Variants in GTF2IRD1 observed in about 807,000 individuals in gnomAD.
GTF2IRD1 encodes GTF2I repeat domain containing 1, also known as general transcription factor II-I repeat domain-containing protein 1.
GTF2IRD1 carries 26 observed loss-of-function variants against 113.2 expected under a neutral mutation model. The observed-to-expected ratio is 0.23, with a 90% CI of 0.17 to 0.32. The LOEUF (loss-of-function observed/expected upper bound fraction) is 0.32, where lower values mean the gene tolerates loss of function less well. Ranked by LOEUF, GTF2IRD1 falls within the 10% of genes least tolerant of loss-of-function variation. GTF2IRD1 has a pLI of 1.00. For synonymous variants in GTF2IRD1, 484 were observed against 529.1 expected, an observed-to-expected ratio of 0.91 and a Z score of 1.17; for missense variants, 864 against 1,280.8, an observed-to-expected ratio of 0.67 and a Z score of 4.97.
chr7:74,517,760 C>T (rs1457507598), intron 4 of GTF2IRD1, among the ~76,000 whole-genome samples: 1 of 152,184 alleles, frequency 6.6e-6, no homozygotes, highest in Admixed American at 6.6e-5. Flanking sequence ...TGCAAGTCCC[C>T]ACTTCTCCGT....
intron 1 of GTF2IRD1, among the ~76,000 whole-genome samples, chr7:74,463,503 G>A (rs1354087846): frequency 6.6e-6 from 1 of 151,862 alleles, no homozygotes; most frequent in African/African-American, 2.4e-5. Flanking sequence ...CCAAGTGCTG[G>A]GATTAGAGGG....
At chr7:74,556,456 G>A (rs1554356877) in intron 19 of GTF2IRD1, among the ~76,000 whole-genome samples, 1 of 151,356 alleles carries the variant, frequency 6.6e-6, no homozygotes, top group Non-Finnish European at 1.5e-5. Context: ...AAGTAGCTGG[G>A]ATTATAGGCA....
Position 74,515,523 on chromosome 7 carries a change from G to T in GTF2IRD1, c.348G>T (p.Arg116=). 2 of 1,613,936 alleles carry T rather than the reference G, an allele frequency of 1.2e-6. No homozygotes were observed. The highest frequency in any genetic ancestry group is 1.7e-6 in the Non-Finnish European group (2 of 1,179,884). ...AGGGTGGAGGCCGTAGCCTCCCTCG[G>T]TCCTCCCTGGAACATGGCTCAGATG... is the stretch of plus-strand genomic sequence containing the variant. ...RGEGGGRSLP[R]SSLEHGSDVY... The change falls in exon 4 of 27, where the codon CGG becomes CGT. Residue 116 remains arginine (R), a synonymous_variant. Coordinates refer to ENST00000424337, the MANE Select transcript of GTF2IRD1 (RefSeq NM_005685.4).
chr7:74,555,521 G>C lies in GTF2IRD1; in HGVS notation c.2023+27G>C. 1 of 1,407,738 alleles carries C rather than the reference G, an allele frequency of 7.1e-7. No individual in the cohort carries two copies. Among genetic ancestry groups the C allele is most frequent in the Non-Finnish European group, 1.0e-6 (1 of 992,114 alleles). The allele number at this position is 1,407,738 out of a possible 1,614,324, so 87.2% of individuals were successfully genotyped here. A position where few individuals can be genotyped will look rare whatever the true frequency, so the allele number is the denominator to read the frequency against. ...TAAGGTTGAGCTCACGGGGAGGTCT[G>C]TTGTCCCAGCACCAGGACATTGACC... On this transcript the variant is annotated intron_variant, in intron 19 of 26. Transcript: ENST00000424337. This position sits in a 1 kb window ranked among gnomAD's most constrained non-coding sequence, Gnocchi z 5.3.
intron 22 of GTF2IRD1, among the ~76,000 whole-genome samples, chr7:74,578,060 C>T (rs1473937844): frequency 5.3e-5 from 8 of 152,190 alleles, no homozygotes; most frequent in Admixed American, 2.6e-4. Flanking sequence ...CTGTCTCGGC[C>T]TCCCAAAGTG....
At chr7:74,539,337 T>C (rs1388535727) in intron 13 of GTF2IRD1, among the ~76,000 whole-genome samples, 1 of 151,778 alleles carries the variant, frequency 6.6e-6, no homozygotes, top group East Asian at 1.9e-4. Context: ...CGGTGTAGCT[T>C]CTCAGGAGGC....
intron 1 of GTF2IRD1, among the ~76,000 whole-genome samples, chr7:74,484,495 C>T (rs1294849155): frequency 2.0e-5 from 3 of 148,416 alleles, no homozygotes; most frequent in African/African-American, 7.5e-5. Context: ...CACTCTTTCA[C>T]CCACCCAGGC....
intron 9 of GTF2IRD1, among the ~76,000 whole-genome samples, chr7:74,532,950 A>G (rs1798058489): frequency 6.6e-6 from 1 of 151,734 alleles, no homozygotes; most frequent in African/African-American, 2.4e-5. Context: ...TACCTCCATA[A>G]TCAGCTGCCT....
At chr7:74,489,436 G>A (rs1392116227) in intron 1 of GTF2IRD1, among the ~76,000 whole-genome samples, 3 of 151,980 alleles carry the variant, frequency 2.0e-5, no homozygotes, top group South Asian at 2.1e-4. Flanking sequence ...TCCGCCTCCT[G>A]GGTTCAAGCG....
At chr7:74,525,314 T>C (rs1275264815) in intron 8 of GTF2IRD1, among the ~76,000 whole-genome samples, 3 of 152,098 alleles carry the variant, frequency 2.0e-5, no homozygotes, top group South Asian at 2.1e-4. Context: ...GATGGTTCCC[T>C]CTCTGTGACA....
chr7:74,503,344 T>G (rs1484947304), intron 1 of GTF2IRD1, among the ~76,000 whole-genome samples: 2 of 152,160 alleles, frequency 1.3e-5, no homozygotes, highest in African/African-American at 2.4e-5. Flanking sequence ...GGGACAGATG[T>G]GACAGTCGCT....
At chr7:74,496,559 G>A (rs1484196941) in intron 1 of GTF2IRD1, among the ~76,000 whole-genome samples, 2 of 123,208 alleles carry the variant, frequency 1.6e-5, no homozygotes, top group African/African-American at 6.6e-5. Flanking sequence ...GCGTTTGGGG[G>A]GTGTACATGT....
At chr7:74,529,397 G>A (rs1797829353) in intron 8 of GTF2IRD1, among the ~76,000 whole-genome samples, 1 of 152,056 alleles carries the variant, frequency 6.6e-6, no homozygotes, top group Non-Finnish European at 1.5e-5. Context: ...GGGACCACAG[G>A]CGTGCACCAC....
chr7:74,601,374 G>A, intron 26 of GTF2IRD1, 194 bp downstream of exon 26: 1 of 1,514,936 alleles, frequency 6.6e-7, no homozygotes, highest in Non-Finnish European at 8.8e-7. Flanking sequence ...CTTCTCGTGG[G>A]GTACTCACAG....
intron 13 of GTF2IRD1, 99 bp downstream of exon 13, chr7:74,538,859 G>T: frequency 1.4e-6 from 1 of 694,172 alleles, no homozygotes; most frequent in Non-Finnish European, 2.6e-6. Flanking sequence ...CCAGGCCGCT[G>T]TTTCTCTCTG....
At chr7:74,456,235 TTGG>T (rs1258923952) in intron 1 of GTF2IRD1, among the ~76,000 whole-genome samples, 3 of 152,122 alleles carry the variant, frequency 2.0e-5, no homozygotes, top group South Asian at 2.1e-4. Flanking sequence ...TGGTGACAGC[TTGG>T]TTGTTGGACC....
At chr7:74,571,548 G>C (rs781887710) in intron 22 of GTF2IRD1, among the ~76,000 whole-genome samples, 1 of 152,216 alleles carries the variant, frequency 6.6e-6, no homozygotes, top group Non-Finnish European at 1.5e-5. Flanking sequence ...TTTCATCTCA[G>C]TTTAAGGAAC....
At chr7:74,534,426 A>T (rs1419940316) in intron 9 of GTF2IRD1, among the ~76,000 whole-genome samples, 1 of 152,128 alleles carries the variant, frequency 6.6e-6, no homozygotes, top group African/African-American at 2.4e-5. Context: ...ACATGGTGAA[A>T]CCCCATCTCT....
intron 9 of GTF2IRD1, among the ~76,000 whole-genome samples, chr7:74,531,673 A>C (rs587737272): frequency 6.6e-6 from 1 of 152,004 alleles, no homozygotes; most frequent in Non-Finnish European, 1.5e-5. Flanking sequence ...ACTTGAGCCT[A>C]GGAGTTCAAG....
Sources: allele counts gnomAD v4.1 joint callset (sites outside exome capture counted in the v4.1 genomes callset), GRCh38; gene constraint gnomAD v4.1.1; non-coding constraint Gnocchi (gnomAD v3.1); transcripts MANE v1.5; gene names NCBI Gene and HGNC (gene_info 2026-07-23, HGNC 2026-07-21).